Variants in NAA35 observed in about 807,000 individuals in gnomAD.
NAA35 encodes the protein N-alpha-acetyltransferase 35, NatC auxiliary subunit, also known as MAK10 homolog, amino-acid N-acetyltransferase subunit.
In NAA35, 18 loss-of-function variants were observed where a neutral mutation model predicts 101.7. That is an observed-to-expected ratio of 0.18 (90% CI 0.12 to 0.26). NAA35 has a LOEUF of 0.26. Ranked by LOEUF, NAA35 falls within the 10% of genes least tolerant of loss-of-function variation. The pLI, the probability that NAA35 is intolerant of heterozygous loss-of-function variation, is 1.00. For missense variants in NAA35, 601 were observed against 886.8 expected (o/e 0.68, Z 4.09); for synonymous variants, 267 against 273.1 (o/e 0.98, Z 0.22).
chr9:86,020,936 G>A lies in NAA35; in HGVS notation c.2085G>A (p.Lys695=), dbSNP rs1175478422. The change falls in exon 22 of 23, where the codon AAG becomes AAA. Residue 695 remains lysine, a synonymous_variant. Coordinates refer to ENST00000361671, the MANE Select transcript of NAA35 (RefSeq NM_024635.4). Reference sequence around the variant, plus strand: ...CCAAACCCAACTTTGTGGTTATGAAGTTATTGGCAGGAGGACACAAAAAGG... The same window carrying A: ...CCAAACCCAACTTTGTGGTTATGAAATTATTGGCAGGAGGACACAAAAAGG... ...KVAKPNFVVM[K]LLAGGHKKES... 6.2e-7 allele frequency: 1 copy of A among 1,612,848 alleles called. No individual in the cohort carries two copies. Among genetic ancestry groups the A allele is most frequent in the South Asian group, 1.1e-5 (1 of 90,830 alleles).
chr9:85,950,158 A>G (rs1199392087), intron 2 of NAA35, among the ~76,000 whole-genome samples: 1 of 152,164 alleles, frequency 6.6e-6, no homozygotes, highest in Admixed American at 6.6e-5. Flanking sequence ...TCAGTCATTG[A>G]TCATGCAGGG....
At chr9:85,986,875 G>T (rs1220358765) in intron 11 of NAA35, 1 of 174,980 alleles carries the variant, frequency 5.7e-6, no homozygotes, top group Non-Finnish European at 1.2e-5. Flanking sequence ...ACAGGCGTGA[G>T]CCACTGCGCC....
chr9:85,976,729 A>G lies in NAA35; in HGVS notation c.672A>G (p.Glu224=). 1 of 1,594,444 alleles carries G rather than the reference A, an allele frequency of 6.3e-7. No individual in the cohort carries two copies. Among genetic ancestry groups the G allele is most frequent in the Non-Finnish European group, 8.5e-7 (1 of 1,172,044 alleles). Residue 224 remains glutamate (E), a synonymous_variant, in exon 9 of 23, where the codon GAA becomes GAG. Transcript: ENST00000361671. The part of the protein sequence containing the change: ...RQGEERDPEV[E]LEHQQCLAVF... ...GAGAAGAAAGAGATCCAGAAGTTGAACTAGAAGTAATTGAACTTATTTTCT... is the reference window on the plus strand; with the variant it reads ...GAGAAGAAAGAGATCCAGAAGTTGAGCTAGAAGTAATTGAACTTATTTTCT...
chr9:85,946,384 G>C (rs1301748751), intron 2 of NAA35, among the ~76,000 whole-genome samples: 3 of 152,144 alleles, frequency 2.0e-5, no homozygotes, highest in African/African-American at 4.8e-5. Context: ...TCTTGCCTCA[G>C]CTTCTAGGCT....
intron 22 of NAA35, among the ~76,000 whole-genome samples, chr9:86,021,305 G>A (rs1464763805): frequency 6.6e-6 from 1 of 152,190 alleles, no homozygotes; most frequent in African/African-American, 2.4e-5. Context: ...GAAAGTGAAT[G>A]CTTTAATAAT....
chr9:86,006,951 TA>T (rs770841472), intron 13 of NAA35, among the ~76,000 whole-genome samples: 16 of 152,150 alleles, frequency 1.1e-4, no homozygotes, highest in Admixed American at 2.6e-4. Flanking sequence ...GAAATGAACA[TA>T]AAAAATATTA....
In NAA35 at chr9:86,024,476, A is replaced by C. The variant is rs1832695841; in HGVS notation, c.*2516A>C. 1.3e-5 allele frequency among the ~76,000 whole-genome samples: 2 copies of C among 152,198 alleles called. No individual in the cohort carries two copies. Among genetic ancestry groups the C allele is most frequent in the South Asian group, 2.1e-4 (1 of 4,830 alleles). On this transcript the variant is annotated 3_prime_UTR_variant, in exon 23 of 23. Coordinates refer to ENST00000361671, the MANE Select transcript of NAA35 (RefSeq NM_024635.4). The stretch of plus-strand genomic sequence containing the variant: ...GCAGGGACATGATGGGATCAAGTCA[A>C]ATCTGCTTGCCTGAGAATGGTTGAA...
intron 2 of NAA35, among the ~76,000 whole-genome samples, chr9:85,954,751 A>G (rs1011641786): frequency 1.3e-5 from 2 of 152,124 alleles, no homozygotes; most frequent in Admixed American, 1.3e-4. Flanking sequence ...CCTTCCTATC[A>G]TTGCTTTTGC....
Position 86,025,447 on chromosome 9 carries a change from T to C in NAA35, c.*3487T>C, listed in dbSNP as rs1351008776. 6.6e-6 allele frequency among the ~76,000 whole-genome samples: 1 copy of C among 152,020 alleles called. No individual in the cohort carries two copies. Among genetic ancestry groups the C allele is most frequent in the Non-Finnish European group, 1.5e-5 (1 of 68,000 alleles). ...TACTTGCCCCACTCTATTTGTGGAG[T>C]GGCTGGTATGATCTTAAAAGATCAT... On this transcript the variant is annotated 3_prime_UTR_variant, in exon 23 of 23. Coordinates refer to ENST00000361671, the MANE Select transcript of NAA35 (RefSeq NM_024635.4).
Position 86,003,777 on chromosome 9 carries a change from T to C in NAA35, c.1116+133T>C, listed in dbSNP as rs750410630. ...TTAGTGTTGTGTATTTTTTTTTTAA[T>C]TGAAGTATTAACTTTAAGCATTAGA... On this transcript the variant is annotated intron_variant, in intron 13 of 22. Coordinates refer to ENST00000361671, the MANE Select transcript of NAA35 (RefSeq NM_024635.4). 1.4e-5 allele frequency: 7 copies of C among 487,074 alleles called. No individual in the cohort carries two copies. In the Admixed American group the frequency reaches 1.6e-4, roughly 11 times the overall value. The allele number at this position is 487,074 out of a possible 1,614,324, so 30.2% of individuals were successfully genotyped here.
Position 86,018,679 on chromosome 9 carries a change from A to G in NAA35, c.1915-20A>G, listed in dbSNP as rs1280398180. 5.0e-6 allele frequency: 8 copies of G among 1,603,358 alleles called. No individual in the cohort carries two copies. The South Asian group carries it at 6.8e-5, about 14-fold the overall frequency. ...GTTCATATTAAACGTGTTTTGAATT[A>G]TACTTCCCCTTCTTTTTAGGAAATG... On this transcript the variant is annotated intron_variant, in intron 20 of 22. Coordinates refer to ENST00000361671, the MANE Select transcript of NAA35 (RefSeq NM_024635.4).
intron 6 of NAA35, among the ~76,000 whole-genome samples, chr9:85,970,923 A>G (rs1017068864): frequency 6.6e-6 from 1 of 152,224 alleles, no homozygotes; most frequent in Non-Finnish European, 1.5e-5. Context: ...TTTTGTCATT[A>G]TCACAAGTGC....
chr9:85,947,453 T>C (rs1176823383), intron 2 of NAA35, among the ~76,000 whole-genome samples: 1 of 152,228 alleles, frequency 6.6e-6, no homozygotes, highest in East Asian at 1.9e-4. Flanking sequence ...GCAAAAGATC[T>C]AGGCAACATG....
intron 11 of NAA35, among the ~76,000 whole-genome samples, chr9:85,989,680 GA>G (rs1830816124): frequency 6.6e-6 from 1 of 152,146 alleles, no homozygotes; most frequent in Non-Finnish European, 1.5e-5. Flanking sequence ...GACATAAATG[GA>G]AAAGCTGTGG....
intron 12 of NAA35, among the ~76,000 whole-genome samples, chr9:85,997,189 TG>T (rs1831199890): frequency 1.3e-5 from 2 of 151,898 alleles, no homozygotes; most frequent in Non-Finnish European, 2.9e-5. Flanking sequence ...GTTGAACTCC[TG>T]GGTTCAAGCA....
chr9:85,971,927 A>G (rs1475037255), intron 6 of NAA35, among the ~76,000 whole-genome samples: 1 of 151,618 alleles, frequency 6.6e-6, no homozygotes, highest in Non-Finnish European at 1.5e-5. Context: ...ACTGTTGGAT[A>G]GAGTCCAATG....
At chr9:86,008,973 T>C (rs1337686843) in intron 14 of NAA35, among the ~76,000 whole-genome samples, 2 of 152,196 alleles carry the variant, frequency 1.3e-5, no homozygotes, top group African/African-American at 2.4e-5. Flanking sequence ...GTTTTGATTT[T>C]TCCTTTTTTA....
chr9:85,996,013 T>G (rs1831139669), intron 11 of NAA35, among the ~76,000 whole-genome samples: 1 of 152,190 alleles, frequency 6.6e-6, no homozygotes, highest in Non-Finnish European at 1.5e-5. Flanking sequence ...AAGAGAAGCT[T>G]ATATTATTTG....
At position 86,022,122 on chromosome 9, in the gene NAA35, A is replaced by G. The variant is rs368720096; in HGVS notation, c.*162A>G. On this transcript the variant is annotated 3_prime_UTR_variant, in exon 23 of 23. Transcript: ENST00000361671. ...AGTTTGACAGCCTTATATGACATGAATGAAAACTGCTGTTTTAAAGTGGTT... is the reference window on the plus strand; with the variant it reads ...AGTTTGACAGCCTTATATGACATGAGTGAAAACTGCTGTTTTAAAGTGGTT... 8 of 564,646 alleles carry G rather than the reference A, an allele frequency of 1.4e-5. No homozygotes were observed. The highest frequency in any genetic ancestry group is 6.0e-5 in the East Asian group (2 of 33,444). The allele number at this position is 564,646 out of a possible 1,614,324, so 35.0% of individuals were successfully genotyped here.
Sources: gnomAD v4.1 joint callset for allele counts (sites outside exome capture counted in the v4.1 genomes callset) on GRCh38, gnomAD v4.1.1 for gene constraint, MANE v1.5 for transcripts, NCBI Gene and HGNC (gene_info 2026-07-23, HGNC 2026-07-21) for gene names.